Variants in BMAL1 observed in about 807,000 individuals in gnomAD.
BMAL1 encodes the protein basic helix-loop-helix ARNT-like protein 1.
chr11:13,347,500 A>G, the BMAL1 span, among the ~76,000 whole-genome samples: 1 of 152,136 alleles, frequency 6.6e-6, no homozygotes, highest in Non-Finnish European at 1.5e-5. Context: ...GATCAAAATG[A>G]GAAATTTCAT....
the BMAL1 span, among the ~76,000 whole-genome samples, chr11:13,302,545 G>C: frequency 6.6e-6 from 1 of 152,140 alleles, no homozygotes; most frequent in Non-Finnish European, 1.5e-5. Flanking sequence ...CTGTGCAATC[G>C]CTATTTTCCC....
chr11:13,350,748 AAAAT>A, the BMAL1 span, among the ~76,000 whole-genome samples: 1 of 152,218 alleles, frequency 6.6e-6, no homozygotes, highest in Non-Finnish European at 1.5e-5. Flanking sequence ...TTAAATTAAA[AAAAT>A]CATTAAAATC....
chr11:13,305,135 C>T, the BMAL1 span, among the ~76,000 whole-genome samples: 21 of 152,264 alleles, frequency 1.4e-4, no homozygotes, highest in East Asian at 3.7e-3. Flanking sequence ...CATGATCTCA[C>T]TGGGAGCATA....
the BMAL1 span, among the ~76,000 whole-genome samples, chr11:13,361,564 A>G: frequency 6.6e-6 from 1 of 152,150 alleles, no homozygotes; most frequent in Non-Finnish European, 1.5e-5. Flanking sequence ...TCAGCTCTCT[A>G]TAAGCCTGGC....
chr11:13,378,371 G>T, the BMAL1 span: 1 of 1,613,028 alleles, frequency 6.2e-7, no homozygotes, highest in Non-Finnish European at 8.5e-7. Context: ...CTGTTCCAGG[G>T]ATTCCAGGGG....
At chr11:13,365,307 A>T in the BMAL1 span, 1 of 456,644 alleles carries the variant, frequency 2.2e-6, no homozygotes, top group South Asian at 2.7e-5. Context: ...ACACACACAC[A>T]CACACACACA....
At chr11:13,343,802 T>C in the BMAL1 span, among the ~76,000 whole-genome samples, 1 of 152,260 alleles carries the variant, frequency 6.6e-6, no homozygotes, top group East Asian at 1.9e-4. Context: ...TTCTGTGGAC[T>C]CTCCTCTATC....
At chr11:13,357,449 G>A in the BMAL1 span, among the ~76,000 whole-genome samples, 3 of 152,338 alleles carry the variant, frequency 2.0e-5, no homozygotes, top group African/African-American at 7.2e-5. The surrounding 1 kb of genome is among the most constrained non-coding windows in gnomAD (Gnocchi z 4.8). Flanking sequence ...CCTGGGCTGG[G>A]ACTTGCCTCT....
the BMAL1 span, among the ~76,000 whole-genome samples, chr11:13,371,975 C>T: frequency 6.6e-6 from 1 of 152,168 alleles, no homozygotes; most frequent in South Asian, 2.1e-4. Context: ...CTTAAGCATT[C>T]TGACACTGGA....
At chr11:13,355,413 T>C in the BMAL1 span, 1 of 1,014,964 alleles carries the variant, frequency 9.9e-7, no homozygotes, top group Admixed American at 1.8e-5. Context: ...TGCGAGATGT[T>C]GGCCACAAAC....
At chr11:13,303,703 G>A in the BMAL1 span, among the ~76,000 whole-genome samples, 1 of 152,306 alleles carries the variant, frequency 6.6e-6, no homozygotes, top group Admixed American at 6.5e-5. Flanking sequence ...GCTGGAGCGT[G>A]AGGAAGAAGA....
the BMAL1 span, among the ~76,000 whole-genome samples, chr11:13,337,843 A>T: frequency 6.6e-6 from 1 of 152,194 alleles, no homozygotes. Flanking sequence ...GTATTGCTTC[A>T]GTTGTCACAG....
the BMAL1 span, among the ~76,000 whole-genome samples, chr11:13,313,640 G>A: frequency 1.3e-5 from 2 of 152,036 alleles, no homozygotes; most frequent in African/African-American, 2.4e-5. Context: ...CCACTCCTGT[G>A]TTTAGGATTC....
At chr11:13,324,357 C>T in the BMAL1 span, among the ~76,000 whole-genome samples, 2 of 145,884 alleles carry the variant, frequency 1.4e-5, no homozygotes, top group Non-Finnish European at 3.0e-5. Flanking sequence ...ACTCTCTGCT[C>T]ACTCCATTTC....
At chr11:13,357,526 G>C in the BMAL1 span, among the ~76,000 whole-genome samples, 1 of 152,174 alleles carries the variant, frequency 6.6e-6, no homozygotes, top group Non-Finnish European at 1.5e-5. This position sits in a 1 kb window ranked among gnomAD's most constrained non-coding sequence, Gnocchi z 4.8. Context: ...TCGGTGTCTC[G>C]AGTAGATTCT....
chr11:13,303,665 A>G, the BMAL1 span, among the ~76,000 whole-genome samples: 91 of 152,302 alleles, frequency 6.0e-4, no homozygotes, highest in African/African-American at 2.0e-3. Flanking sequence ...GCCTTCTTCA[A>G]GGGCCTTGGT....
At chr11:13,322,057 G>C in the BMAL1 span, among the ~76,000 whole-genome samples, 1 of 152,270 alleles carries the variant, frequency 6.6e-6, no homozygotes, top group Admixed American at 6.5e-5. Context: ...CGTTGGTGTT[G>C]GGCAGGCCTG....
the BMAL1 span, among the ~76,000 whole-genome samples, chr11:13,361,301 T>C: frequency 6.6e-6 from 1 of 152,188 alleles, no homozygotes; most frequent in Non-Finnish European, 1.5e-5. Context: ...GTTGTGTTAC[T>C]AGGTAAAGTG....
chr11:13,381,095 C>A, the BMAL1 span: 1 of 1,514,450 alleles, frequency 6.6e-7, no homozygotes, highest in Non-Finnish European at 9.2e-7. Context: ...CTCACCTTTA[C>A]CCCTTAACAA....
Sources: gnomAD v4.1 joint callset for allele counts (sites outside exome capture counted in the v4.1 genomes callset) on GRCh38, gnomAD v4.1.1 for gene constraint, Gnocchi (gnomAD v3.1) non-coding constraint, MANE v1.5 for transcripts, NCBI Gene and HGNC (gene_info 2026-07-23, HGNC 2026-07-21) for gene names.